Variants in CHRNA2 observed in about 807,000 individuals in gnomAD.
CHRNA2 encodes the protein neuronal acetylcholine receptor subunit alpha-2.
A neutral mutation model predicts 45.5 loss-of-function variants in CHRNA2; 40 were observed. The ratio of observed to expected loss-of-function variants is 0.88; its 90% CI spans 0.68 to 1.15. The LOEUF (loss-of-function observed/expected upper bound fraction) is 1.15, where lower values mean the gene tolerates loss of function less well. CHRNA2 is among the 50% of genes most tolerant of loss of function. The pLI is 0.00. For missense variants in CHRNA2, 655 were observed against 701.7 expected (o/e 0.93, Z 0.75); for synonymous variants, 301 against 296.7 (o/e 1.01, Z -0.15).
At chr8:27,472,584 A>T (rs1390163697) in intron 1 of CHRNA2, among the ~76,000 whole-genome samples, 1 of 152,196 alleles carries the variant, frequency 6.6e-6, no homozygotes, top group Non-Finnish European at 1.5e-5. Flanking sequence ...TCCTACTGAT[A>T]TGGAATATGC....
intron 1 of CHRNA2, chr8:27,475,281 A>G (rs1813026610): frequency 6.6e-6 from 1 of 152,196 alleles, no homozygotes; most frequent in Non-Finnish European, 1.5e-5. Flanking sequence ...AGCTGTGTAA[A>G]AAGTGGAAGC....
chr8:27,463,089 C>A lies in CHRNA2; in HGVS notation c.1354G>T (p.Glu452Ter), dbSNP rs778197366. ...LHSGASGPKA[E>*]ALLQEGELLL... ...AGCTCACCCTCCTGCAGCAGAGCCT[C>A]AGCCTTGGGACCTGAGGCCCCAGAG... The change falls in exon 6 of 7, where the codon GAG (glutamate) becomes TAG (stop). Residue 452 changes from glutamate to a stop codon, truncating the protein, a stop_gained. Transcript: ENST00000407991. LOFTEE classifies it high-confidence loss of function. This position sits in a 1 kb window ranked among gnomAD's most constrained non-coding sequence, Gnocchi z 6.1. 1.2e-6 allele frequency: 2 copies of A among 1,612,732 alleles called. No homozygotes were observed. Among genetic ancestry groups the A allele is most frequent in the Non-Finnish European group, 1.7e-6 (2 of 1,178,846 alleles).
At chr8:27,475,979 G>T (rs768218838) in intron 1 of CHRNA2, among the ~76,000 whole-genome samples, 4 of 152,202 alleles carry the variant, frequency 2.6e-5, no homozygotes, top group Non-Finnish European at 5.9e-5. Flanking sequence ...AGGTACCCAG[G>T]GCAGGAGGAG....
At chr8:27,475,005 T>C (rs1431566811) in intron 1 of CHRNA2, among the ~76,000 whole-genome samples, 2 of 152,248 alleles carry the variant, frequency 1.3e-5, no homozygotes, top group African/African-American at 4.8e-5. Flanking sequence ...TTAATCTCTT[T>C]TCTGCATACA....
rs772119766 is a variant in CHRNA2 at position 27,469,823 on chromosome 8, G to A, written c.232C>T (p.Pro78Ser). Residue 78 changes from proline to serine, a missense_variant, in exon 3 of 7, where the codon CCC becomes TCC. Pro to Ser is a moderately conservative substitution (Grantham distance 74). Transcript: ENST00000407991. ...RGYNRWARPV[P>S]NTSDVVIVRF... ...ACAATCACCACGTCTGAAGTGTTGGGCACCGGGCGCGCCCAGCGGTTGTAG... is the reference window on the plus strand; with the variant it reads ...ACAATCACCACGTCTGAAGTGTTGGACACCGGGCGCGCCCAGCGGTTGTAG... 6 of 1,614,188 alleles carry A rather than the reference G, an allele frequency of 3.7e-6. No homozygotes were observed. The East Asian group carries it at 1.3e-4, about 36-fold the overall frequency.
At position 27,471,136 on chromosome 8, in the gene CHRNA2, GCTGCTGGATTCTGTGAGGATT is replaced by G. The variant is rs1024493056; in HGVS notation, c.-99_-79del. On this transcript the variant is annotated 5_prime_UTR_variant, in exon 2 of 7. Transcript: ENST00000407991. ...CATGGACCATGTCCCCAGCAGAGCT[GCTGCTGGATTCTGTGAGGATT>G]CTGCTGGATTCTGCGAGGCTTCCTC... The G allele has an allele frequency of 3.4e-5, 45 of 1,323,878 alleles. No homozygotes were observed. Among genetic ancestry groups the G allele is most frequent in the Non-Finnish European group, 4.8e-5 (44 of 922,740 alleles). The allele number at this position is 1,323,878 out of a possible 1,614,324, so 82.0% of individuals were successfully genotyped here.
chr8:27,473,940 T>C (rs892602708), intron 1 of CHRNA2, among the ~76,000 whole-genome samples: 3 of 152,122 alleles, frequency 2.0e-5, no homozygotes, highest in Non-Finnish European at 4.4e-5. Context: ...CTGGCAAATG[T>C]CGCTTTGAGT....
At position 27,469,998 on chromosome 8, in the gene CHRNA2, G is replaced by T. The variant is rs796052294; in HGVS notation, c.74-17C>A. 10 of 1,608,562 alleles carry T rather than the reference G, an allele frequency of 6.2e-6. No homozygotes were observed. Among genetic ancestry groups the T allele is most frequent in the Non-Finnish European group, 8.5e-6 (10 of 1,176,928 alleles). ...CCTCTCCACCTGCCATCAAATCAGA[G>T]CCACTCAGCCTCACTGAGCCTCAGT... On this transcript the variant is annotated splice_polypyrimidine_tract_variant and intron_variant, in intron 2 of 6. Transcript: ENST00000407991.
chr8:27,462,807 G>A (rs536409724), intron 6 of CHRNA2, among the ~76,000 whole-genome samples, 172 bp downstream of exon 6: 2 of 152,316 alleles, frequency 1.3e-5, no homozygotes, highest in African/African-American at 4.8e-5. Flanking sequence ...TCCTCAAAGC[G>A]GCCAGCTACA....
chr8:27,474,358 G>A (rs899890276), intron 1 of CHRNA2, among the ~76,000 whole-genome samples: 22 of 152,166 alleles, frequency 1.4e-4, no homozygotes, highest in Non-Finnish European at 8.8e-5. Flanking sequence ...GAAAATAGAG[G>A]ATTACATTTT....
intron 6 of CHRNA2, among the ~76,000 whole-genome samples, chr8:27,462,502 G>T (rs1341952917): frequency 6.6e-6 from 1 of 152,298 alleles, no homozygotes; most frequent in Non-Finnish European, 1.5e-5. Flanking sequence ...CAGGGTTTAT[G>T]GTTGAAGAGT....
At position 27,461,748 on chromosome 8, in the gene CHRNA2, C is replaced by T; in HGVS notation, c.1471G>A (p.Glu491Lys). The change falls in exon 7 of 7, where the codon GAG (glutamate) becomes AAG (lysine). Residue 491 changes from glutamate to lysine, a missense_variant. By Grantham distance (56) the Glu-to-Lys change is moderately conservative. Coordinates refer to ENST00000407991, the MANE Select transcript of CHRNA2 (RefSeq NM_000742.4). ...RSEDADSSVKEDWKYVAMVID... is the reference protein window; with the variant it reads ...RSEDADSSVKKDWKYVAMVID... ...ACCATGGCAACATACTTCCAGTCCT[C>T]CTTCACCTGTGGGGAAGACAGCACA... is the stretch of plus-strand genomic sequence containing the variant. 1.2e-6 allele frequency: 2 copies of T among 1,614,106 alleles called. No homozygotes were observed. The highest frequency in any genetic ancestry group is 3.3e-5 in the Admixed American group (2 of 60,022).
chr8:27,473,803 T>TC (rs1022301573), intron 1 of CHRNA2, among the ~76,000 whole-genome samples: 1 of 151,886 alleles, frequency 6.6e-6, no homozygotes, highest in Admixed American at 6.6e-5. Flanking sequence ...GTCATTCTCA[T>TC]CCCCCCCGTC....
rs1450969467 is a variant in CHRNA2, at chr8:27,471,184, C to G, written c.-126G>C. 1.1e-6 allele frequency: 1 copy of G among 870,836 alleles called. No individual in the cohort carries two copies. The highest frequency in any genetic ancestry group is 2.7e-5 in the East Asian group (1 of 37,482). 53.9% of individuals were successfully genotyped at this position (870,836 alleles called of 1,614,324 possible). A position where few individuals can be genotyped will look rare whatever the true frequency, so the allele number is the denominator to read the frequency against. On this transcript the variant is annotated 5_prime_UTR_variant, in exon 2 of 7. Coordinates refer to ENST00000407991, the MANE Select transcript of CHRNA2 (RefSeq NM_000742.4). ...TGCTGGATTCTGCGAGGCTTCCTCT[C>G]ACCACCGAACCTGAGCAAGCCCAAG...
At position 27,459,904 on chromosome 8, in the gene CHRNA2, A is replaced by T. The variant is rs1446689227; in HGVS notation, c.*1725T>A. 1 of 152,546 alleles carries T rather than the reference A, an allele frequency of 6.6e-6. No individual in the cohort carries two copies. The highest frequency in any genetic ancestry group is 1.5e-5 in the Non-Finnish European group (1 of 68,392). The allele number at this position is 152,546 out of a possible 1,614,324, so 9.4% of individuals were successfully genotyped here. ...AGAGCTCTGAGGCCTCCGGAGAGCA[A>T]GTGGGAGGAGAGGGGGCGCTGGGGG... On this transcript the variant is annotated 3_prime_UTR_variant, in exon 7 of 7. Transcript: ENST00000407991.
rs1418004533 is a variant in CHRNA2, at chr8:27,471,066, C to T, written c.-8G>A. On this transcript the variant is annotated 5_prime_UTR_variant, in exon 2 of 7. Coordinates refer to ENST00000407991, the MANE Select transcript of CHRNA2 (RefSeq NM_000742.4). ...AGGACAGGAGGGGCCCATGGCTTCTCCTGAGCATCAGGAGGTCAGGTCAGG... is the reference window on the plus strand; with the variant it reads ...AGGACAGGAGGGGCCCATGGCTTCTTCTGAGCATCAGGAGGTCAGGTCAGG... 3 of 1,613,842 alleles carry T rather than the reference C, an allele frequency of 1.9e-6. No individual in the cohort carries two copies. Among genetic ancestry groups the T allele is most frequent in the South Asian group, 1.1e-5 (1 of 91,038 alleles).
chr8:27,469,030 G>A (rs755339833), intron 4 of CHRNA2, among the ~76,000 whole-genome samples: 43 of 152,342 alleles, frequency 2.8e-4, no homozygotes, highest in Non-Finnish European at 5.4e-4. Flanking sequence ...TGAACCCCCC[G>A]TGGGGCTTTG....
At chr8:27,475,880 C>G (rs1463203749) in intron 1 of CHRNA2, among the ~76,000 whole-genome samples, 1 of 152,088 alleles carries the variant, frequency 6.6e-6, no homozygotes, top group Admixed American at 6.5e-5. Context: ...TTAAGGGTGA[C>G]CACTGTATCT....
intron 5 of CHRNA2, among the ~76,000 whole-genome samples, chr8:27,466,696 T>C (rs1296916680): frequency 2.6e-5 from 4 of 152,246 alleles, no homozygotes; most frequent in Admixed American, 6.5e-5. Flanking sequence ...TTTTTATTGA[T>C]TTATTTTTGT....
Sources: gnomAD v4.1 joint callset for allele counts (sites outside exome capture counted in the v4.1 genomes callset) on GRCh38, gnomAD v4.1.1 for gene constraint, Gnocchi (gnomAD v3.1) non-coding constraint, MANE v1.5 for transcripts, NCBI Gene and HGNC (gene_info 2026-07-23, HGNC 2026-07-21) for gene names.